The following SEMA6A variants were observed in gnomAD, a reference collection of about 807,000 sequenced individuals.
SEMA6A encodes the protein semaphorin 6A, also known as semaphorin-6A.
Under a neutral mutation model 96.8 loss-of-function variants are expected in SEMA6A, and 25 were observed. The observed-to-expected ratio is 0.26, with a 90% CI of 0.19 to 0.36. The LOEUF is 0.36. Ranked by LOEUF, SEMA6A falls within the 10% of genes least tolerant of loss-of-function variation. The pLI is 1.00. For missense variants in SEMA6A, 1,363 were observed against 1,323.1 expected (o/e 1.03, Z -0.47); for synonymous variants, 612 against 518.0 (o/e 1.18, Z -2.46).
intron 6 of SEMA6A, among the ~76,000 whole-genome samples, chr5:116,494,168 C>G (rs1329408335): frequency 6.6e-6 from 1 of 152,156 alleles, no homozygotes; most frequent in Admixed American, 6.5e-5. Context: ...CCAGTTTTTT[C>G]TGTTAACACT....
At chr5:116,542,000 T>C (rs1416245689) in intron 1 of SEMA6A, among the ~76,000 whole-genome samples, 3 of 152,220 alleles carry the variant, frequency 2.0e-5, no homozygotes, top group East Asian at 3.9e-4. Context: ...GGCAAATACA[T>C]TGGTAGTGCC....
At chr5:116,540,009 G>T (rs1375328293) in intron 1 of SEMA6A, among the ~76,000 whole-genome samples, 1 of 151,922 alleles carries the variant, frequency 6.6e-6, no homozygotes, top group Non-Finnish European at 1.5e-5. Flanking sequence ...TTTTCTGTTC[G>T]TTTTCCTTTC....
intron 1 of SEMA6A, among the ~76,000 whole-genome samples, chr5:116,517,260 T>C (rs1758712277): frequency 6.6e-6 from 1 of 151,220 alleles, no homozygotes; most frequent in Non-Finnish European, 1.5e-5. Flanking sequence ...GGTGTATGTT[T>C]CCCATGTTAC....
intron 1 of SEMA6A, among the ~76,000 whole-genome samples, chr5:116,558,079 A>G (rs1214363926): frequency 2.0e-5 from 3 of 152,202 alleles, no homozygotes; most frequent in Admixed American, 6.5e-5. Context: ...AAACAGTTTC[A>G]TAAAGGTTCT....
intron 8 of SEMA6A, 42 bp from the exon 9 acceptor site, chr5:116,488,238 G>C (rs1263785366): frequency 1.2e-5 from 15 of 1,290,684 alleles, no homozygotes; most frequent in Admixed American, 1.8e-5. Flanking sequence ...ATGTCAAACA[G>C]AGTTAACAGA....
At chr5:116,530,600 T>C (rs961023547) in intron 1 of SEMA6A, among the ~76,000 whole-genome samples, 1 of 152,162 alleles carries the variant, frequency 6.6e-6, no homozygotes, top group African/African-American at 2.4e-5. Context: ...TAGAAGCTTA[T>C]TTTTAAAGTA....
intron 11 of SEMA6A, among the ~76,000 whole-genome samples, chr5:116,480,733 C>G (rs925693147): frequency 6.6e-6 from 1 of 151,972 alleles, no homozygotes; most frequent in Admixed American, 6.5e-5. Flanking sequence ...AGGGTATGTG[C>G]CAGCAAGACT....
chr5:116,456,927 G>A (rs1424081490), intron 18 of SEMA6A, among the ~76,000 whole-genome samples: 2 of 150,230 alleles, frequency 1.3e-5, no homozygotes, highest in Non-Finnish European at 2.9e-5. Flanking sequence ...ATGACTAGAC[G>A]AGAGAAAAGA....
intron 18 of SEMA6A, among the ~76,000 whole-genome samples, chr5:116,462,449 A>ATAAC (rs1755470535): frequency 1.3e-5 from 2 of 152,242 alleles, no homozygotes; most frequent in African/African-American, 4.8e-5. Context: ...AATTTGAGTA[A>ATAAC]TAACTAGCGG....
chr5:116,536,866 TAA>T (rs72214884), intron 1 of SEMA6A, among the ~76,000 whole-genome samples: 80 of 69,514 alleles, frequency 1.2e-3, no homozygotes, highest in Middle Eastern at 0.013. Flanking sequence ...TGTGATTTCT[TAA>T]AAAAAAAAAA....
chr5:116,466,808 A>G (rs1755786612), intron 18 of SEMA6A, among the ~76,000 whole-genome samples: 1 of 152,312 alleles, frequency 6.6e-6, no homozygotes, highest in East Asian at 1.9e-4. Context: ...TCTCTGATTT[A>G]CAAGACTGTT....
At chr5:116,557,470 G>C (rs2545693) in intron 1 of SEMA6A, among the ~76,000 whole-genome samples, 327 of 152,290 alleles carry the variant, frequency 2.1e-3, no homozygotes, top group African/African-American at 6.7e-3. Flanking sequence ...CTTTGGCCTC[G>C]CAAAGTGCTT....
chr5:116,553,614 A>G (rs1321744537), intron 1 of SEMA6A, among the ~76,000 whole-genome samples: 1 of 152,226 alleles, frequency 6.6e-6, no homozygotes, highest in Non-Finnish European at 1.5e-5. Flanking sequence ...TTGGCTCCAC[A>G]GTGCTGGGAG....
chr5:116,466,591 C>T (rs974397701), intron 18 of SEMA6A, among the ~76,000 whole-genome samples: 4 of 151,970 alleles, frequency 2.6e-5, no homozygotes, highest in Non-Finnish European at 5.9e-5. Flanking sequence ...AGAGTCTGAC[C>T]GGAAAGCATT....
chr5:116,519,483 C>T (rs926696301), intron 1 of SEMA6A, among the ~76,000 whole-genome samples: 1 of 152,154 alleles, frequency 6.6e-6, no homozygotes, highest in Non-Finnish European at 1.5e-5. Context: ...TTCCTGTACT[C>T]ATTCATTCAC....
chr5:116,461,767 T>C (rs1755411905), intron 18 of SEMA6A, among the ~76,000 whole-genome samples: 1 of 152,192 alleles, frequency 6.6e-6, no homozygotes, highest in Non-Finnish European at 1.5e-5. Context: ...ATGTTGGTCA[T>C]AAAGGCCTTT....
rs759126445 is a variant in SEMA6A, at chr5:116,447,117, A to G, written c.2589T>C (p.Ser863=). 2 of 1,613,570 alleles carry G rather than the reference A, an allele frequency of 1.2e-6. No homozygotes were observed. The highest frequency in any genetic ancestry group is 2.2e-5 in the South Asian group (2 of 91,062). ...KTIKEHLSSK[S]PNHGVNLVEN... is the part of the protein sequence containing the mutation. ...CCACAAGGTTCACCCCATGGTTGGGACTCTTGCTGCTGAGATGTTCCTTGA... is the reference window on the plus strand; with the variant it reads ...CCACAAGGTTCACCCCATGGTTGGGGCTCTTGCTGCTGAGATGTTCCTTGA... Residue 863 remains serine, a synonymous_variant, in exon 19 of 19, where the codon AGT becomes AGC. Transcript: ENST00000343348.
At chr5:116,490,503 C>T (rs559827476) in intron 7 of SEMA6A, among the ~76,000 whole-genome samples, 44 of 152,288 alleles carry the variant, frequency 2.9e-4, no homozygotes, top group Non-Finnish European at 4.9e-4. Context: ...TAGTCATGTA[C>T]TTGGGAGTAT....
chr5:116,560,187 A>AGG (rs1760765442), intron 1 of SEMA6A, among the ~76,000 whole-genome samples: 1 of 152,086 alleles, frequency 6.6e-6, no homozygotes, highest in Non-Finnish European at 1.5e-5. Context: ...TTCCTCCTTC[A>AGG]ATGGAGCCCA....
Sources: gnomAD v4.1 joint callset for allele counts (sites outside exome capture counted in the v4.1 genomes callset) on GRCh38, gnomAD v4.1.1 for gene constraint, MANE v1.5 for transcripts, NCBI Gene and HGNC (gene_info 2026-07-23, HGNC 2026-07-21) for gene names.